AGBL2: variants seen among roughly 807,000 people sequenced by gnomAD.
AGBL2 encodes cytosolic carboxypeptidase 2.
AGBL2 carries 87 observed loss-of-function variants against 103.0 expected under a neutral mutation model. The observed-to-expected ratio is 0.84, with a 90% CI of 0.71 to 1.01. The LOEUF (loss-of-function observed/expected upper bound fraction) is 1.01. Ranked by LOEUF, AGBL2 falls within the 50% of genes least tolerant of loss-of-function variation. The pLI is 0.00. For missense variants in AGBL2, 904 were observed against 1,023.5 expected (o/e 0.88, Z 1.59); for synonymous variants, 335 against 356.7 (o/e 0.94, Z 0.69).
chr11:47,698,081 C>T (rs1261797387), intron 8 of AGBL2, among the ~76,000 whole-genome samples: 1 of 150,418 alleles, frequency 6.6e-6, no homozygotes, highest in African/African-American at 2.5e-5. Context: ...AGGCTGGTCT[C>T]GAACTGCCGA....
chr11:47,671,758 T>A (rs929399322), intron 14 of AGBL2, among the ~76,000 whole-genome samples: 5 of 152,188 alleles, frequency 3.3e-5, no homozygotes, highest in Non-Finnish European at 7.3e-5. Context: ...AAGGTGTTTT[T>A]CTAGTCAAGG....
intron 3 of AGBL2, among the ~76,000 whole-genome samples, chr11:47,713,342 C>T (rs1164801627): frequency 3.3e-5 from 4 of 122,750 alleles, no homozygotes; most frequent in South Asian, 2.6e-4. Flanking sequence ...GAGACTCTAT[C>T]GCAAAAAAAA....
rs758291402 is a variant in AGBL2, at chr11:47,666,934, G to A, written c.2448+22C>T. ...GAGGTTAGAGAATCTGTGTGACAAA[G>A]AGTCAAAAACAAAAATACTACCTCA... is the stretch of plus-strand genomic sequence containing the variant. On this transcript the variant is annotated intron_variant, in intron 17 of 18. Transcript: ENST00000525123. 4.2e-6 allele frequency: 6 copies of A among 1,444,772 alleles called. 1 individual carries two copies. Among genetic ancestry groups the A allele is most frequent in the South Asian group, 3.5e-5 (3 of 86,736 alleles). The allele number at this position is 1,444,772 out of a possible 1,614,324, so 89.5% of individuals were successfully genotyped here.
intron 14 of AGBL2, among the ~76,000 whole-genome samples, chr11:47,670,374 A>T (rs1263094217): frequency 6.6e-6 from 1 of 152,092 alleles, no homozygotes; most frequent in African/African-American, 2.4e-5. Context: ...GGTCCCAGAC[A>T]CTTGGGAGGC....
chr11:47,690,301 G>A lies in AGBL2; in HGVS notation c.1406C>T (p.Ser469Phe). 6.2e-7 allele frequency: 1 copy of A among 1,613,644 alleles called. No individual in the cohort carries two copies. The highest frequency in any genetic ancestry group is 8.5e-7 in the Non-Finnish European group (1 of 1,179,894). ...GTCCAAAAAGCCTTTCATAACCCAG[G>A]AGCCATTACTTTCTCCAGGGTGAAC... is the stretch of plus-strand genomic sequence containing the variant. ...ARVHPGESNG[S>F]WVMKGFLDFI... The change falls in exon 10 of 19, where the codon TCC becomes TTC. Residue 469 changes from serine (S) to phenylalanine (F), a missense_variant. Coordinates refer to ENST00000525123, the MANE Select transcript of AGBL2 (RefSeq NM_024783.4).
At chr11:47,684,342 T>G (rs987254502) in intron 11 of AGBL2, among the ~76,000 whole-genome samples, 4 of 150,474 alleles carry the variant, frequency 2.7e-5, no homozygotes, top group Non-Finnish European at 5.9e-5. Flanking sequence ...CTGAGGCGGG[T>G]GGTCAGGAGT....
At position 47,668,971 on chromosome 11, in the gene AGBL2, T is replaced by C. The variant is rs1160594433; in HGVS notation, c.2148-64A>G. The C allele has an allele frequency of 2.6e-6, 3 of 1,135,894 alleles. No individual in the cohort carries two copies. In the East Asian group the frequency reaches 7.0e-5, roughly 27 times the overall value. The allele number at this position is 1,135,894 out of a possible 1,614,324, so 70.4% of individuals were successfully genotyped here. A position where few individuals can be genotyped will look rare whatever the true frequency, so the allele number is the denominator to read the frequency against. On this transcript the variant is annotated intron_variant, in intron 14 of 18. Coordinates refer to ENST00000525123, the MANE Select transcript of AGBL2 (RefSeq NM_024783.4). Reference sequence around the variant, plus strand: ...ATTGATATGTCTAGGAAGCATAACATTTACCAGACCAGCTGTATGGGATTA... The same window carrying C: ...ATTGATATGTCTAGGAAGCATAACACTTACCAGACCAGCTGTATGGGATTA...
chr11:47,696,008 T>TA (rs2097468933), intron 8 of AGBL2, among the ~76,000 whole-genome samples: 1 of 2,666 alleles, frequency 3.8e-4, no homozygotes, highest in Non-Finnish European at 7.8e-4. Flanking sequence ...GTACTAAAAA[T>TA]ACAAAAAAAA....
At chr11:47,706,890 C>CA (rs1554968232) in intron 4 of AGBL2, among the ~76,000 whole-genome samples, 18,009 of 53,090 alleles carry the variant, frequency 0.34, 6,052 homozygotes, top group South Asian at 0.5. Flanking sequence ...CTCTACTATT[C>CA]CAAAAAAAAA....
In AGBL2 at chr11:47,668,991, G is replaced by A. The variant is rs950138651; in HGVS notation, c.2148-84C>T. 110 of 828,008 alleles carry A rather than the reference G, an allele frequency of 1.3e-4. No individual in the cohort carries two copies. The Middle Eastern group carries it at 2.0e-3, about 15-fold the overall frequency. The allele number at this position is 828,008 out of a possible 1,614,324, so 51.3% of individuals were successfully genotyped here. On this transcript the variant is annotated intron_variant, in intron 14 of 18. Coordinates refer to ENST00000525123, the MANE Select transcript of AGBL2 (RefSeq NM_024783.4). ...TAACATTTACCAGACCAGCTGTATG[G>A]GATTAGGATTAGGATATCTTCTAGT...
chr11:47,708,248 A>G (rs2097527056), intron 4 of AGBL2, among the ~76,000 whole-genome samples: 2 of 151,648 alleles, frequency 1.3e-5, no homozygotes, highest in African/African-American at 2.4e-5. Flanking sequence ...TTCTATTTTT[A>G]GTAGAGACGG....
rs765133632 is a variant in AGBL2, at chr11:47,673,725, C to T, written c.2147+3546G>A. Among the ~76,000 whole-genome samples, 57 of 134,632 alleles carry T rather than the reference C, an allele frequency of 4.2e-4. 1 individual carries two copies. Among genetic ancestry groups the T allele is most frequent in the Admixed American group, 1.5e-3 (17 of 11,298 alleles). The allele number at this position is 134,632 out of a possible 152,430, so 88.3% of individuals were successfully genotyped here. A position where few individuals can be genotyped will look rare whatever the true frequency, so the allele number is the denominator to read the frequency against. The stretch of plus-strand genomic sequence containing the variant: ...AGGAGAATTGCTTGAACCCGGGAAG[C>T]GGAGGTTGCAGTGAGCTGAGATCAC... On this transcript the variant is annotated intron_variant, in intron 14 of 18. Coordinates refer to ENST00000525123, the MANE Select transcript of AGBL2 (RefSeq NM_024783.4).
intron 3 of AGBL2, among the ~76,000 whole-genome samples, chr11:47,712,288 G>A (rs1453165819): frequency 1.3e-5 from 2 of 152,028 alleles, no homozygotes; most frequent in African/African-American, 2.4e-5. Context: ...GATAAGGGGG[G>A]ACTAATGTAG....
In AGBL2 at chr11:47,715,325, G is replaced by A. The variant is rs2097546279; in HGVS notation, c.-251C>T. The A allele has an allele frequency of 1.3e-5, 2 of 152,224 alleles. No individual in the cohort carries two copies. The highest frequency in any genetic ancestry group is 1.3e-4 in the Admixed American group (2 of 15,274). The allele number at this position is 152,224 out of a possible 1,614,324, so 9.4% of individuals were successfully genotyped here. A position where few individuals can be genotyped will look rare whatever the true frequency, so the allele number is the denominator to read the frequency against. ...AGTGTGCGGGCAAGGGGACAAACTC[G>A]CTGCACCCGCCCGCCACCGCCTTCT... On this transcript the variant is annotated 5_prime_UTR_variant, in exon 1 of 19. Transcript: ENST00000525123.
Position 47,686,294 on chromosome 11 carries a change from G to A in AGBL2, c.1632-245C>T, listed in dbSNP as rs150868563. 8.6e-3 allele frequency among the ~76,000 whole-genome samples: 1,302 copies of A among 151,964 alleles called. 62 individuals carry two copies. The highest frequency in any genetic ancestry group is 0.075 in the Admixed American group (1,148 of 15,232). ...TTTCTTTTTTTCTTTTTTGAGACAG[G>A]GTCTTGCCCTGTTGCTCAGGCTGGA... is the stretch of plus-strand genomic sequence containing the variant. On this transcript the variant is annotated intron_variant, in intron 10 of 18. Transcript: ENST00000525123.
intron 3 of AGBL2, among the ~76,000 whole-genome samples, chr11:47,711,453 C>T (rs1212778068): frequency 6.6e-6 from 1 of 152,204 alleles, no homozygotes; most frequent in Non-Finnish European, 1.5e-5. Context: ...GGAACTTTGT[C>T]CCAGGACATG....
intron 14 of AGBL2, among the ~76,000 whole-genome samples, chr11:47,672,320 A>G (rs530970572): frequency 1.6e-3 from 198 of 124,552 alleles, no homozygotes; most frequent in African/African-American, 5.1e-3. Flanking sequence ...TGCAGAGCAC[A>G]CTTTTTTTTT....
chr11:47,666,998 G>A lies in AGBL2; in HGVS notation c.2406C>T (p.Ser802=). ...TTTCATTTTTCATTGGTAAAAAACT[G>A]GAATTCTCTGAGTTTTTGAAAAAGG... ...QPTFFKNSEN[S]SFLPMKNENP... The change falls in exon 17 of 19, where the codon TCC becomes TCT. Residue 802 remains serine, a synonymous_variant. Coordinates refer to ENST00000525123, the MANE Select transcript of AGBL2 (RefSeq NM_024783.4). 2 of 1,613,514 alleles carry A rather than the reference G, an allele frequency of 1.2e-6. No homozygotes were observed. Among genetic ancestry groups the A allele is most frequent in the Non-Finnish European group, 1.7e-6 (2 of 1,179,828 alleles).
At position 47,706,003 on chromosome 11, in the gene AGBL2, C is replaced by T. The variant is rs2097517526; in HGVS notation, c.233-86G>A. The stretch of plus-strand genomic sequence containing the variant: ...CTGCTATCCCCATCCCTTCTCATTT[C>T]CTATGCTCACTCTGGACCCCTGCAT... On this transcript the variant is annotated intron_variant, in intron 4 of 18. Transcript: ENST00000525123. The T allele has an allele frequency of 1.6e-5, 17 of 1,078,670 alleles. No individual in the cohort carries two copies. In the South Asian group the frequency reaches 2.1e-4, roughly 13 times the overall value. 66.8% of individuals were successfully genotyped at this position (1,078,670 alleles called of 1,614,324 possible).
Sources: allele counts gnomAD v4.1 joint callset (sites outside exome capture counted in the v4.1 genomes callset), GRCh38; gene constraint gnomAD v4.1.1; transcripts MANE v1.5; gene names NCBI Gene and HGNC (gene_info 2026-07-23, HGNC 2026-07-21).